The following ARL6IP6 variants were observed in gnomAD, a reference collection of about 807,000 sequenced individuals.
The protein encoded by ARL6IP6 is ARF like GTPase 6 interacting protein 6.
A neutral mutation model predicts 21.5 loss-of-function variants in ARL6IP6; 22 were observed. The observed-to-expected ratio is 1.02, with a 90% CI of 0.73 to 1.46. ARL6IP6 has a LOEUF of 1.46. Among genes scored for constraint, ARL6IP6 ranks in the 40% most tolerant of loss-of-function variants. ARL6IP6 has a pLI of 0.00. For synonymous variants in ARL6IP6, 164 were observed against 125.3 expected, an observed-to-expected ratio of 1.31 and a Z score of -2.06; for missense variants, 388 against 299.8, an observed-to-expected ratio of 1.29 and a Z score of -2.17.
chr2:152,717,715 G>A (rs1573989675), upstream of ARL6IP6: 1 of 1,372,342 alleles, frequency 7.3e-7, no homozygotes, highest in East Asian at 2.9e-5. Context: ...CCAGGGGAAG[G>A]GAAGACAACA....
intron 2 of ARL6IP6, among the ~76,000 whole-genome samples, chr2:152,725,009 G>C (rs904104261): frequency 1.3e-5 from 2 of 152,088 alleles, no homozygotes; most frequent in Non-Finnish European, 2.9e-5. Context: ...GGCTGTATGT[G>C]TCAGTGTACA....
intron 3 of ARL6IP6, among the ~76,000 whole-genome samples, chr2:152,758,367 G>T (rs1049637554): frequency 6.6e-6 from 1 of 151,800 alleles, no homozygotes; most frequent in African/African-American, 2.4e-5. Flanking sequence ...TGATATGGAA[G>T]ACCGAACTGT....
chr2:152,742,391 G>A (rs1167805376), intron 3 of ARL6IP6, among the ~76,000 whole-genome samples: 2 of 151,958 alleles, frequency 1.3e-5, no homozygotes, highest in African/African-American at 4.8e-5. Context: ...AACATAGTGA[G>A]ATGCTGCCTC....
rs1559249576 is a variant in ARL6IP6 at position 152,761,403 on chromosome 2, A to T, written c.*1563A>T. The T allele has an allele frequency of 6.6e-6, 1 of 152,142 alleles. No homozygotes were observed. The allele number at this position is 152,142 out of a possible 1,614,324, so 9.4% of individuals were successfully genotyped here. A position where few individuals can be genotyped will look rare whatever the true frequency, so the allele number is the denominator to read the frequency against. ...GACTCCAAAGAGCCCTTTCATTGCA[A>T]AGATGTACACAAGTAACAGAATCAA... On this transcript the variant is annotated 3_prime_UTR_variant, in exon 4 of 4. Transcript: ENST00000326446.
chr2:152,718,066 A>T (rs1699273523), upstream of ARL6IP6: 1 of 993,886 alleles, frequency 1.0e-6, no homozygotes, highest in African/African-American at 1.7e-5. Context: ...GGGTGGGGAG[A>T]ACCACACTAA....
chr2:152,742,689 T>C (rs543274651), intron 3 of ARL6IP6, among the ~76,000 whole-genome samples: 3 of 152,176 alleles, frequency 2.0e-5, no homozygotes, highest in African/African-American at 7.2e-5. Context: ...AGCTGTGCCT[T>C]ACAGTACATT....
intron 2 of ARL6IP6, among the ~76,000 whole-genome samples, chr2:152,723,961 C>CAA (rs1699911115): frequency 6.6e-6 from 1 of 151,162 alleles, no homozygotes; most frequent in Non-Finnish European, 1.5e-5. Context: ...AACCTATACT[C>CAA]TATTAAGAAA....
chr2:152,720,726 G>T, intron 2 of ARL6IP6, 140 bp downstream of exon 2: 1 of 741,420 alleles, frequency 1.3e-6, no homozygotes. Flanking sequence ...TGCATATGTT[G>T]GTGATAAATG....
chr2:152,737,546 T>C (rs1280649772), intron 3 of ARL6IP6, among the ~76,000 whole-genome samples: 1 of 152,166 alleles, frequency 6.6e-6, no homozygotes, highest in African/African-American at 2.4e-5. Flanking sequence ...AGAGTTTTAA[T>C]TGACTCACAG....
chr2:152,731,517 C>A (rs887087539), intron 2 of ARL6IP6, among the ~76,000 whole-genome samples: 7 of 152,128 alleles, frequency 4.6e-5, no homozygotes, highest in Admixed American at 3.9e-4. Flanking sequence ...CTCTCAGAAA[C>A]CTGTTTTAAA....
At chr2:152,718,486 C>T (rs975815317), upstream of ARL6IP6, 1 of 1,262,042 alleles carries the variant, frequency 7.9e-7, no homozygotes, top group Non-Finnish European at 1.0e-6. Context: ...AACCCGCCGC[C>T]CACCCTTGCT....
At chr2:152,723,127 A>AT (rs1011272053) in intron 2 of ARL6IP6, among the ~76,000 whole-genome samples, 2 of 152,184 alleles carry the variant, frequency 1.3e-5, no homozygotes, top group African/African-American at 4.8e-5. Context: ...CGCTGAGTTG[A>AT]TTAACTTAGA....
intron 3 of ARL6IP6, among the ~76,000 whole-genome samples, chr2:152,737,667 A>G (rs1158261133): frequency 6.6e-6 from 1 of 152,202 alleles, no homozygotes; most frequent in African/African-American, 2.4e-5. Context: ...GCTCTTTATA[A>G]AACTGTCAGA....
intron 3 of ARL6IP6, among the ~76,000 whole-genome samples, chr2:152,752,321 A>G (rs966093595): frequency 1.3e-5 from 2 of 152,188 alleles, no homozygotes; most frequent in Non-Finnish European, 2.9e-5. Flanking sequence ...ATGAAACTGA[A>G]CAAAACTGAA....
chr2:152,722,645 A>G (rs1352963599), intron 2 of ARL6IP6, among the ~76,000 whole-genome samples: 1 of 152,156 alleles, frequency 6.6e-6, no homozygotes, highest in Admixed American at 6.6e-5. Context: ...GCTCACACGT[A>G]TAATCCCAAC....
intron 3 of ARL6IP6, among the ~76,000 whole-genome samples, chr2:152,738,850 T>G (rs1700670415): frequency 6.6e-6 from 1 of 151,098 alleles, no homozygotes; most frequent in African/African-American, 2.5e-5. Flanking sequence ...TGGCTTGAAT[T>G]TTGCCTCAGA....
chr2:152,758,866 G>A (rs1040257236), intron 3 of ARL6IP6, among the ~76,000 whole-genome samples: 9 of 152,102 alleles, frequency 5.9e-5, no homozygotes, highest in African/African-American at 9.7e-5. Flanking sequence ...ATTTATGACC[G>A]TCTCAGTCCA....
At chr2:152,756,981 A>G (rs762895886) in intron 3 of ARL6IP6, among the ~76,000 whole-genome samples, 2 of 152,180 alleles carry the variant, frequency 1.3e-5, no homozygotes, top group Non-Finnish European at 2.9e-5. Flanking sequence ...ACCTGTATGT[A>G]TAGGAGCCCC....
At chr2:152,720,476 G>A in intron 1 of ARL6IP6, 57 bp from the exon 2 acceptor site, 1 of 1,550,594 alleles carries the variant, frequency 6.4e-7, no homozygotes, top group Non-Finnish European at 8.9e-7. Context: ...CAGCCCTTGA[G>A]TTACTTTTCA....
Sources: gnomAD v4.1 joint callset for allele counts (sites outside exome capture counted in the v4.1 genomes callset) on GRCh38, gnomAD v4.1.1 for gene constraint, MANE v1.5 for transcripts, NCBI Gene and HGNC (gene_info 2026-07-23, HGNC 2026-07-21) for gene names.